The following CARF variants were observed in gnomAD, a reference collection of about 807,000 sequenced individuals.
CARF encodes calcium responsive transcription factor.
Under a neutral mutation model 82.0 loss-of-function variants are expected in CARF, and 57 were observed. The observed-to-expected ratio is 0.70, with a 90% CI of 0.56 to 0.87. The LOEUF (loss-of-function observed/expected upper bound fraction) is 0.87, where lower values mean the gene tolerates loss of function less well. Ranked by LOEUF, CARF falls within the 40% of genes least tolerant of loss-of-function variation. CARF has a pLI of 0.00. For synonymous variants in CARF, 268 were observed against 290.1 expected, an observed-to-expected ratio of 0.92 and a Z score of 0.77; for missense variants, 771 against 855.8, an observed-to-expected ratio of 0.90 and a Z score of 1.24.
chr2:202,942,058 A>T, intron 4 of CARF, 78 bp downstream of exon 4: 2 of 1,118,942 alleles, frequency 1.8e-6, no homozygotes, highest in Non-Finnish European at 2.7e-6. Context: ...TGCTCAAGGG[A>T]TAGCTGTTAT....
At chr2:202,943,652 G>GT (rs72240582) in intron 5 of CARF, among the ~76,000 whole-genome samples, 58,990 of 135,274 alleles carry the variant, frequency 0.44, 14,471 homozygotes, top group Middle Eastern at 0.7. Context: ...CTCCAGTTTT[G>GT]TTTTTTTTTT....
At position 202,971,601 on chromosome 2, in the gene CARF, T is replaced by C; in HGVS notation, c.1194T>C (p.Ser398=). ...CACCTTCTCCTTTTCCTGTGTCTTC[T>C]CTTGAAGAAGAGGAAACTGCAGTTA... ...TLSPSPFPVS[S]LEEEETAVRD... The change falls in exon 12 of 17, where the codon TCT becomes TCC. Residue 398 remains serine (S), a synonymous_variant. Coordinates refer to ENST00000438828, the MANE Select transcript of CARF (RefSeq NM_024744.17). The C allele has an allele frequency of 6.2e-7, 1 of 1,613,728 alleles. No individual in the cohort carries two copies. Among genetic ancestry groups the C allele is most frequent in the Non-Finnish European group, 8.5e-7 (1 of 1,179,770 alleles).
intron 4 of CARF, chr2:202,942,420 G>T (rs1357796344): frequency 3.0e-5 from 5 of 167,240 alleles, no homozygotes; most frequent in Admixed American, 6.6e-5. Flanking sequence ...CATATTTTAT[G>T]ATATATTTAA....
At chr2:202,938,151 G>A (rs920389176) in intron 3 of CARF, 8 of 151,792 alleles carry the variant, frequency 5.3e-5, no homozygotes, top group African/African-American at 1.9e-4. Context: ...AATTATTGAC[G>A]GTAGTTACCC....
intron 13 of CARF, among the ~76,000 whole-genome samples, chr2:202,975,905 C>T (rs1163348194): frequency 2.0e-5 from 3 of 151,200 alleles, no homozygotes; most frequent in Non-Finnish European, 2.9e-5. Flanking sequence ...ATTAGCCGGG[C>T]GCGGTGGCAG....
chr2:202,953,498 G>GTTGTTTTT (rs772493519), intron 6 of CARF, among the ~76,000 whole-genome samples: 6 of 70,292 alleles, frequency 8.5e-5, no homozygotes, highest in Admixed American at 2.4e-4. Context: ...TTTTTTTGTT[G>GTTGTTTTT]TTTTTTTTTT....
In CARF at chr2:202,961,293, C is replaced by T. The variant is rs764916102; in HGVS notation, c.699C>T (p.Val233=). The T allele has an allele frequency of 4.3e-6, 7 of 1,614,106 alleles. No individual in the cohort carries two copies. The highest frequency in any genetic ancestry group is 1.1e-5 in the South Asian group (1 of 91,060). Residue 233 remains valine (V), a synonymous_variant, in exon 9 of 17, where the codon GTC becomes GTT. Transcript: ENST00000438828. ...TAAGTGAGACTGAATTAGAAAGTGT[C>T]CTAACATTTCACAAGCAGCAAACAC... ...YCVSETELES[V]LTFHKQQTQS...
chr2:202,936,238 A>G (rs1462355281), intron 3 of CARF, among the ~76,000 whole-genome samples: 4 of 152,180 alleles, frequency 2.6e-5, no homozygotes, highest in African/African-American at 9.7e-5. Flanking sequence ...ACACATGCAT[A>G]TATATGTACA....
At chr2:202,970,093 C>T (rs910642846) in intron 11 of CARF, 31 bp downstream of exon 11, 4 of 1,517,290 alleles carry the variant, frequency 2.6e-6, no homozygotes, top group Admixed American at 2.5e-5. Flanking sequence ...TTTTATTTTA[C>T]AAATTAATTA....
chr2:202,975,410 C>T (rs995969330), intron 13 of CARF, among the ~76,000 whole-genome samples: 1 of 151,866 alleles, frequency 6.6e-6, no homozygotes, highest in Non-Finnish European at 1.5e-5. Context: ...TGCCACTGCA[C>T]TCCAGCCTGG....
chr2:202,980,522 C>G (rs1024852430), intron 14 of CARF, among the ~76,000 whole-genome samples: 8 of 147,420 alleles, frequency 5.4e-5, no homozygotes, highest in Non-Finnish European at 1.0e-4. Flanking sequence ...TGAGAAGCTC[C>G]TTAGATTTCA....
intron 5 of CARF, among the ~76,000 whole-genome samples, chr2:202,949,990 A>G (rs2058685431): frequency 6.6e-6 from 1 of 152,216 alleles, no homozygotes; most frequent in Non-Finnish European, 1.5e-5. Flanking sequence ...CTAGTAGGTA[A>G]AAGACCACTC....
Position 202,942,860 on chromosome 2 carries a change from CT to C in CARF, c.200del (p.Leu67ArgfsTer14). The C allele has an allele frequency of 1.2e-6, 2 of 1,614,100 alleles. No homozygotes were observed. Among genetic ancestry groups the C allele is most frequent in the Non-Finnish European group, 1.7e-6 (2 of 1,180,022 alleles). ...SLISQNIPGP[L>X]TQTQTLSAEQ... ...CATATCACAGAATATACCAGGGCCC[CT>C]GACTCAGACACAGACTCTTTCTGCA... On this transcript the variant is annotated frameshift_variant, in exon 5 of 17. Transcript: ENST00000438828. LOFTEE classifies it high-confidence loss of function.
intron 1 of CARF, among the ~76,000 whole-genome samples, chr2:202,914,756 G>A (rs1689274959): frequency 7.7e-6 from 1 of 130,510 alleles, no homozygotes; most frequent in African/African-American, 3.0e-5. Flanking sequence ...TCCAGCCTGG[G>A]CAAAAAGAGT....
intron 3 of CARF, among the ~76,000 whole-genome samples, chr2:202,940,269 A>G (rs1459282247): frequency 2.0e-5 from 3 of 152,064 alleles, no homozygotes. Context: ...CCTGACCACA[A>G]GCGATCCACC....
At chr2:202,978,270 T>C (rs1382317910) in intron 14 of CARF, among the ~76,000 whole-genome samples, 1 of 152,034 alleles carries the variant, frequency 6.6e-6, no homozygotes, top group Non-Finnish European at 1.5e-5. Context: ...ATTTGTAAAG[T>C]TGAGTATCTG....
At position 202,970,033 on chromosome 2, in the gene CARF, G is replaced by A; in HGVS notation, c.1068G>A (p.Lys356=). Residue 356 remains lysine (K), a synonymous_variant, in exon 11 of 17, where the codon AAG becomes AAA. Coordinates refer to ENST00000438828, the MANE Select transcript of CARF (RefSeq NM_024744.17). ...AGAAAGCTTTTAACATGCTAAAGAAGAACTTGGTAGATGCTGGTGGTGTTC... is the reference window on the plus strand; with the variant it reads ...AGAAAGCTTTTAACATGCTAAAGAAAAACTTGGTAGATGCTGGTGGTGTTC... ...EQEKAFNMLK[K]NLVDAGGVLR... is the part of the protein sequence containing the mutation. 2 of 1,571,518 alleles carry A rather than the reference G, an allele frequency of 1.3e-6. No homozygotes were observed. The highest frequency in any genetic ancestry group is 1.7e-6 in the Non-Finnish European group (2 of 1,167,842).
intron 14 of CARF, among the ~76,000 whole-genome samples, chr2:202,978,895 T>A (rs891516472): frequency 7.0e-4 from 107 of 152,156 alleles, no homozygotes; most frequent in Admixed American, 5.6e-3. Context: ...GAGGGATTAA[T>A]TGACTGGAGG....
At chr2:202,971,481 A>C (rs769363798) in intron 11 of CARF, 24 bp from the exon 12 acceptor site, 15 of 1,391,800 alleles carry the variant, frequency 1.1e-5, no homozygotes, top group Non-Finnish European at 1.4e-5. Flanking sequence ...AATTTTAGTA[A>C]TTTTAAATAT....
Sources: allele counts gnomAD v4.1 joint callset (sites outside exome capture counted in the v4.1 genomes callset), GRCh38; gene constraint gnomAD v4.1.1; transcripts MANE v1.5; gene names NCBI Gene and HGNC (gene_info 2026-07-23, HGNC 2026-07-21).